CHODL: variants seen among roughly 807,000 people sequenced by gnomAD.
The protein encoded by CHODL is chondrolectin, also known as transmembrane protein MT75.
Under a neutral mutation model 34.5 loss-of-function variants are expected in CHODL, and 29 were observed. The observed-to-expected ratio is 0.84, with a 90% CI of 0.63 to 1.15. The LOEUF (loss-of-function observed/expected upper bound fraction) is 1.15, where lower values mean the gene tolerates loss of function less well. Among genes scored for constraint, CHODL ranks in the 50% most tolerant of loss-of-function variants. The pLI, the probability that CHODL is intolerant of heterozygous loss-of-function variation, is 0.00. For synonymous variants in CHODL, 125 were observed against 116.1 expected, an observed-to-expected ratio of 1.08 and a Z score of -0.49; for missense variants, 332 against 332.5, an observed-to-expected ratio of 1.00 and a Z score of 0.01.
At chr21:18,125,879 G>A (rs938259301) in intron 2 of CHODL, among the ~76,000 whole-genome samples, 2 of 152,170 alleles carry the variant, frequency 1.3e-5, no homozygotes, top group Admixed American at 6.5e-5. Flanking sequence ...AGCAGCAGCA[G>A]GTTTAGAGAG....
chr21:18,190,163 T>A (rs761931213), intron 2 of CHODL, among the ~76,000 whole-genome samples: 2 of 152,228 alleles, frequency 1.3e-5, no homozygotes, highest in Non-Finnish European at 2.9e-5. Flanking sequence ...ACTTCTGTAT[T>A]TTATGTGTCT....
At chr21:17,978,534 C>A (rs775638088) in intron 1 of CHODL, among the ~76,000 whole-genome samples, 1 of 148,814 alleles carries the variant, frequency 6.7e-6, no homozygotes, top group Non-Finnish European at 1.5e-5. Flanking sequence ...CTGGCTAACA[C>A]GATGAAACCC....
intron 2 of CHODL, among the ~76,000 whole-genome samples, chr21:18,084,012 CA>C (rs2064973507): frequency 6.6e-6 from 1 of 152,120 alleles, no homozygotes; most frequent in African/African-American, 2.4e-5. Flanking sequence ...TGTCCCCACT[CA>C]AATCTCATCT....
intron 2 of CHODL, among the ~76,000 whole-genome samples, chr21:18,199,819 A>G (rs1332168513): frequency 2.0e-5 from 3 of 152,148 alleles, no homozygotes; most frequent in Non-Finnish European, 4.4e-5. Flanking sequence ...ATTCCATCCT[A>G]TGGATATACC....
intron 2 of CHODL, among the ~76,000 whole-genome samples, chr21:18,131,830 T>G (rs1329281625): frequency 1.3e-5 from 2 of 152,142 alleles, no homozygotes; most frequent in East Asian, 3.9e-4. Context: ...CCTGCTCTTC[T>G]TTTTTTAAAC....
intron 2 of CHODL, among the ~76,000 whole-genome samples, chr21:18,198,726 T>C (rs1007589026): frequency 2.6e-5 from 4 of 152,254 alleles, no homozygotes; most frequent in Middle Eastern, 3.4e-3. Flanking sequence ...TAATATGTCA[T>C]ATTTTTACTA....
chr21:17,975,334 G>A (rs966900605), intron 1 of CHODL, among the ~76,000 whole-genome samples: 1 of 152,022 alleles, frequency 6.6e-6, no homozygotes. Flanking sequence ...ACTACTTATC[G>A]AGTAGTATGT....
chr21:17,959,622 G>T (rs197546), intron 1 of CHODL, among the ~76,000 whole-genome samples: 2 of 151,870 alleles, frequency 1.3e-5, no homozygotes, highest in African/African-American at 4.8e-5. Context: ...AAAAACAACT[G>T]TTGTTATAAG....
intron 1 of CHODL, among the ~76,000 whole-genome samples, chr21:17,917,876 CGTGTGT>C (rs138828872): frequency 2.0e-5 from 3 of 150,706 alleles, no homozygotes; most frequent in African/African-American, 7.3e-5. Context: ...CTCTGATATG[CGTGTGT>C]GTGTGTGTAT....
chr21:18,145,991 C>G (rs568246402), intron 2 of CHODL, among the ~76,000 whole-genome samples: 2 of 151,786 alleles, frequency 1.3e-5, no homozygotes, highest in African/African-American at 2.4e-5. Context: ...TTTTTTGAGA[C>G]GGAGTCTCAC....
chr21:18,007,151 A>G (rs13046743), intron 1 of CHODL, among the ~76,000 whole-genome samples: 24,023 of 152,160 alleles, frequency 0.16, 1,995 homozygotes, highest in South Asian at 0.29. Context: ...CAAGAAAAAA[A>G]GAAAAAAACT....
intron 1 of CHODL, among the ~76,000 whole-genome samples, chr21:18,255,285 G>A (rs906407898): frequency 6.6e-6 from 1 of 151,962 alleles, no homozygotes; most frequent in African/African-American, 2.4e-5. Flanking sequence ...ACAGAAAAAG[G>A]TGAATTTAAA....
At chr21:18,132,290 A>T (rs553798716) in intron 2 of CHODL, among the ~76,000 whole-genome samples, 52 of 152,292 alleles carry the variant, frequency 3.4e-4, no homozygotes, top group African/African-American at 1.2e-3. Flanking sequence ...CTATTGTCAA[A>T]GTTCTCCTTA....
chr21:18,234,826 C>T (rs2074014526), intron 2 of CHODL, among the ~76,000 whole-genome samples: 1 of 152,114 alleles, frequency 6.6e-6, no homozygotes, highest in Non-Finnish European at 1.5e-5. Context: ...TCTGGGTTAA[C>T]TTACCTTCTT....
intron 1 of CHODL, among the ~76,000 whole-genome samples, chr21:18,249,094 T>C (rs1428410855): frequency 1.6e-5 from 2 of 125,376 alleles, no homozygotes; most frequent in South Asian, 2.2e-4. Flanking sequence ...TAATAAAATA[T>C]ATATATATAA....
At chr21:18,251,226 T>G (rs568743684) in intron 1 of CHODL, among the ~76,000 whole-genome samples, 21 of 150,530 alleles carry the variant, frequency 1.4e-4, no homozygotes, top group Non-Finnish European at 2.5e-4. Flanking sequence ...AAAAATCATC[T>G]ACTTATTCAT....
intron 2 of CHODL, among the ~76,000 whole-genome samples, chr21:18,120,051 G>A (rs2065461043): frequency 2.0e-5 from 3 of 152,142 alleles, no homozygotes; most frequent in South Asian, 4.1e-4. Context: ...AAGTCCTTGT[G>A]ACTAGGCGAA....
At chr21:17,947,661 AAC>A (rs1318415679) in intron 1 of CHODL, among the ~76,000 whole-genome samples, 129 of 152,166 alleles carry the variant, frequency 8.5e-4, no homozygotes, top group African/African-American at 2.9e-3. Context: ...AAAATATAAA[AAC>A]ACAGATGTTG....
At chr21:18,162,534 G>A (rs2073108950) in intron 2 of CHODL, among the ~76,000 whole-genome samples, 1 of 151,780 alleles carries the variant, frequency 6.6e-6, no homozygotes, top group East Asian at 1.9e-4. Context: ...CGTTGGATTA[G>A]GGTCACACAC....
Sources: allele counts gnomAD v4.1 joint callset (sites outside exome capture counted in the v4.1 genomes callset), GRCh38; gene constraint gnomAD v4.1.1; transcripts MANE v1.5; gene names NCBI Gene and HGNC (gene_info 2026-07-23, HGNC 2026-07-21).